Variants in SLC39A10 observed in about 807,000 individuals in gnomAD.
SLC39A10 encodes the protein zinc transporter ZIP10.
SLC39A10 carries 13 observed loss-of-function variants against 65.1 expected under a neutral mutation model. The ratio of observed to expected loss-of-function variants is 0.20; its 90% CI spans 0.13 to 0.32. The LOEUF is 0.32. SLC39A10 is among the 10% of genes least tolerant of loss of function. SLC39A10 has a pLI of 1.00. For synonymous variants in SLC39A10, 321 were observed against 342.2 expected, an observed-to-expected ratio of 0.94 and a Z score of 0.68; for missense variants, 831 against 1,018.4, an observed-to-expected ratio of 0.82 and a Z score of 2.50.
intron 1 of SLC39A10, among the ~76,000 whole-genome samples, chr2:195,673,600 C>T (rs1422425844): frequency 6.6e-6 from 1 of 152,194 alleles, no homozygotes; most frequent in Non-Finnish European, 1.5e-5. Flanking sequence ...TAGGCACTCT[C>T]AAATTTTGTG....
chr2:195,663,830 T>G (rs1197388096), intron 1 of SLC39A10, among the ~76,000 whole-genome samples: 1 of 150,364 alleles, frequency 6.7e-6, no homozygotes, highest in Non-Finnish European at 1.5e-5. Context: ...ATTCAGGGGG[T>G]ACATGTACAG....
chr2:195,727,836 C>A (rs1488051009), intron 8 of SLC39A10, among the ~76,000 whole-genome samples: 2 of 152,108 alleles, frequency 1.3e-5, no homozygotes, highest in Non-Finnish European at 2.9e-5. Context: ...CAACCCTTGC[C>A]CCGTGCTCTT....
Position 195,728,458 on chromosome 2 carries a change from T to A in SLC39A10, c.2337+109T>A. On this transcript the variant is annotated intron_variant, in intron 9 of 9. Transcript: ENST00000359634. This position sits in a 1 kb window ranked among gnomAD's most constrained non-coding sequence, Gnocchi z 4.4. The stretch of plus-strand genomic sequence containing the variant: ...GAAAATATAACTCATTTTAAAGACA[T>A]AATATCCTAAATAATCTCTTAAGGA... 1.9e-6 allele frequency: 2 copies of A among 1,035,610 alleles called. No individual in the cohort carries two copies. Among genetic ancestry groups the A allele is most frequent in the Non-Finnish European group, 2.8e-6 (2 of 716,916 alleles). 64.2% of individuals were successfully genotyped at this position (1,035,610 alleles called of 1,614,324 possible).
At chr2:195,721,234 C>A (rs1046072915) in intron 8 of SLC39A10, among the ~76,000 whole-genome samples, 1 of 152,184 alleles carries the variant, frequency 6.6e-6, no homozygotes, top group African/African-American at 2.4e-5. Flanking sequence ...GCCACCACGC[C>A]CAGCTATGAG....
At chr2:195,674,382 A>G (rs770065287) in intron 1 of SLC39A10, among the ~76,000 whole-genome samples, 25 of 151,974 alleles carry the variant, frequency 1.6e-4, no homozygotes, top group Non-Finnish European at 3.2e-4. Context: ...AGTCCAAGCG[A>G]TTCTCCTGCC....
chr2:195,701,854 G>A (rs1021226661), intron 3 of SLC39A10, among the ~76,000 whole-genome samples: 2 of 151,700 alleles, frequency 1.3e-5, no homozygotes, highest in East Asian at 3.9e-4. Context: ...GCTAGTTTTT[G>A]TATTTTTAGT....
chr2:195,675,286 T>C (rs1289676519), intron 1 of SLC39A10, among the ~76,000 whole-genome samples: 1 of 152,204 alleles, frequency 6.6e-6, no homozygotes, highest in East Asian at 1.9e-4. Flanking sequence ...AGGGTAAATT[T>C]GAGCGTGCTT....
At chr2:195,699,183 CTCTT>C (rs1247789851) in intron 3 of SLC39A10, among the ~76,000 whole-genome samples, 2 of 152,012 alleles carry the variant, frequency 1.3e-5, no homozygotes, top group African/African-American at 2.4e-5. Flanking sequence ...TGTATCTTCT[CTCTT>C]TTTCTTAGTC....
intron 6 of SLC39A10, among the ~76,000 whole-genome samples, chr2:195,715,431 C>T (rs1691758652): frequency 6.9e-6 from 1 of 144,762 alleles, no homozygotes; most frequent in Non-Finnish European, 1.5e-5. Context: ...ATGGCTGAGG[C>T]AAGAGAATCG....
chr2:195,720,593 TATC>T (rs1238058965), intron 8 of SLC39A10, among the ~76,000 whole-genome samples: 1 of 152,210 alleles, frequency 6.6e-6, no homozygotes, highest in East Asian at 1.9e-4. Context: ...GAATAGAACT[TATC>T]ATATAAATTT....
At chr2:195,722,458 G>A (rs1692079974) in intron 8 of SLC39A10, among the ~76,000 whole-genome samples, 1 of 152,206 alleles carries the variant, frequency 6.6e-6, no homozygotes, top group African/African-American at 2.4e-5. Context: ...GTAAAAATAT[G>A]ATTGTGGAGC....
chr2:195,646,928 T>G (rs986888399), intron 2 of SLC39A10, among the ~76,000 whole-genome samples: 3 of 152,134 alleles, frequency 2.0e-5, no homozygotes, highest in Admixed American at 6.5e-5. Context: ...AGGAGACTGG[T>G]CCCTGGCGCC....
intron 8 of SLC39A10, among the ~76,000 whole-genome samples, chr2:195,722,487 C>T (rs1311697145): frequency 6.6e-6 from 1 of 152,156 alleles, no homozygotes; most frequent in Non-Finnish European, 1.5e-5. Context: ...TGCCTTAAGG[C>T]ACAGCAAAGG....
At chr2:195,634,450 T>G (rs1688658521) in intron 2 of SLC39A10, among the ~76,000 whole-genome samples, 1 of 152,218 alleles carries the variant, frequency 6.6e-6, no homozygotes, top group Non-Finnish European at 1.5e-5. Context: ...GCCACCTGTT[T>G]TAGTTGTTCA....
At chr2:195,716,244 G>A (rs1480008078) in intron 6 of SLC39A10, among the ~76,000 whole-genome samples, 1 of 152,122 alleles carries the variant, frequency 6.6e-6, no homozygotes, top group African/African-American at 2.4e-5. Context: ...GGGGTCTAGA[G>A]GGAGTAATTT....
Position 195,683,740 on chromosome 2 carries a change from T to C in SLC39A10, c.1050T>C (p.Gly350=), listed in dbSNP as rs745502548. ...AGTTATTAAAATACTATGGTCATGG[T>C]GCCAACTCTCCCATCTCAACTGATT... ...VTQLLKYYGH[G]ANSPISTDLF... Residue 350 remains glycine, a synonymous_variant, in exon 3 of 10, where the codon GGT becomes GGC. Coordinates refer to ENST00000359634, the MANE Select transcript of SLC39A10 (RefSeq NM_020342.3). 95 of 1,613,226 alleles carry C rather than the reference T, an allele frequency of 5.9e-5. No homozygotes were observed. The highest frequency in any genetic ancestry group is 8.0e-5 in the Non-Finnish European group (94 of 1,179,504).
intron 8 of SLC39A10, among the ~76,000 whole-genome samples, chr2:195,724,780 T>C (rs1169178997): frequency 6.6e-6 from 1 of 152,102 alleles, no homozygotes; most frequent in Non-Finnish European, 1.5e-5. Context: ...CAGCAGGCTT[T>C]TTTGCAGAGA....
chr2:195,691,358 T>C (rs940089509), intron 3 of SLC39A10, among the ~76,000 whole-genome samples: 5 of 152,148 alleles, frequency 3.3e-5, no homozygotes, highest in African/African-American at 9.7e-5. Context: ...ATAATGACTT[T>C]TTTTCCCCTG....
At chr2:195,726,868 C>T (rs894704709) in intron 8 of SLC39A10, among the ~76,000 whole-genome samples, 2 of 152,158 alleles carry the variant, frequency 1.3e-5, no homozygotes. Flanking sequence ...TTCTGTATCG[C>T]ACCTTGCATA....
Sources: gnomAD v4.1 joint callset for allele counts (sites outside exome capture counted in the v4.1 genomes callset) on GRCh38, gnomAD v4.1.1 for gene constraint, Gnocchi (gnomAD v3.1) non-coding constraint, MANE v1.5 for transcripts, NCBI Gene and HGNC (gene_info 2026-07-23, HGNC 2026-07-21) for gene names.